Variants in MAP2K4 observed in about 807,000 individuals in gnomAD.
MAP2K4 encodes dual specificity mitogen-activated protein kinase kinase 4.
A neutral mutation model predicts 48.5 loss-of-function variants in MAP2K4; 4 were observed. The observed-to-expected ratio is 0.08, with a 90% CI of 0.04 to 0.19. The LOEUF is 0.19. Ranked by LOEUF, MAP2K4 falls within the 10% of genes least tolerant of loss-of-function variation. MAP2K4 has a pLI of 1.00. For synonymous variants in MAP2K4, 166 were observed against 173.1 expected (o/e 0.96, Z 0.32); for missense variants, 258 against 493.3 (o/e 0.52, Z 4.52).
At chr17:12,055,860 G>A (rs535027152) in intron 2 of MAP2K4, among the ~76,000 whole-genome samples, 2 of 152,052 alleles carry the variant, frequency 1.3e-5, no homozygotes, top group South Asian at 4.1e-4. Context: ...AGCCTTAGAG[G>A]GAATGAAAGA....
intron 8 of MAP2K4, 59 bp downstream of exon 8, chr17:12,125,430 G>T (rs946638117): frequency 2.9e-6 from 4 of 1,398,244 alleles, no homozygotes; most frequent in Admixed American, 3.4e-5. Flanking sequence ...ATTTAGAAGT[G>T]AAAGAAAACT....
chr17:12,103,098 G>A (rs1019652665), intron 4 of MAP2K4, among the ~76,000 whole-genome samples: 3 of 150,732 alleles, frequency 2.0e-5, no homozygotes, highest in Middle Eastern at 6.5e-3. Context: ...GGAGTGCAGT[G>A]GCATCATCCT....
intron 2 of MAP2K4, among the ~76,000 whole-genome samples, chr17:12,066,527 C>CTCT (rs368269993): frequency 1.3e-5 from 2 of 151,962 alleles, no homozygotes; most frequent in East Asian, 1.9e-4. Flanking sequence ...CCTCCTCCTC[C>CTCT]TCTTCTTCTT....
At chr17:12,080,437 T>C (rs1255879994) in intron 2 of MAP2K4, among the ~76,000 whole-genome samples, 1 of 152,160 alleles carries the variant, frequency 6.6e-6, no homozygotes, top group African/African-American at 2.4e-5. Context: ...AACAGATTGA[T>C]TTTACATTTT....
intron 3 of MAP2K4, among the ~76,000 whole-genome samples, chr17:12,086,367 G>T (rs1971362542): frequency 6.6e-6 from 1 of 152,184 alleles, no homozygotes; most frequent in African/African-American, 2.4e-5. Context: ...TATTCAAGGG[G>T]TGTGGCAGGG....
At chr17:12,054,686 A>G (rs925226152) in intron 1 of MAP2K4, among the ~76,000 whole-genome samples, 2 of 152,136 alleles carry the variant, frequency 1.3e-5, no homozygotes, top group Non-Finnish European at 2.9e-5. Flanking sequence ...AGCCTAGTGA[A>G]TGATTTGTAG....
intron 7 of MAP2K4, among the ~76,000 whole-genome samples, chr17:12,123,918 T>C (rs28923230): frequency 1.3e-4 from 20 of 152,074 alleles, no homozygotes; most frequent in African/African-American, 4.6e-4. Context: ...TAAAACAAGG[T>C]GTGTTTTATG....
rs1422084936 is a variant in MAP2K4, at chr17:12,076,867, GTGTGTGTATTTTT to G, written c.219-4481_219-4469del. The stretch of plus-strand genomic sequence containing the variant: ...TTGTGTGTTTGTATTTTGTGTGTGT[GTGTGTGTATTTTT>G]TGTGTGTGTATCTTAATCAAATTGT... On this transcript the variant is annotated intron_variant, in intron 2 of 10. Coordinates refer to ENST00000353533, the MANE Select transcript of MAP2K4 (RefSeq NM_003010.4). Among the ~76,000 whole-genome samples the G allele has an allele frequency of 2.6e-5, 4 of 151,918 alleles. No homozygotes were observed. The South Asian group carries it at 8.3e-4, about 32-fold the overall frequency.
chr17:12,040,087 A>G (rs1397372461), intron 1 of MAP2K4, among the ~76,000 whole-genome samples: 1 of 152,178 alleles, frequency 6.6e-6, no homozygotes, highest in Non-Finnish European at 1.5e-5. Context: ...AGCTCTTGTT[A>G]AGATAAACCA....
chr17:12,037,767 AAG>A (rs1306309881), intron 1 of MAP2K4, among the ~76,000 whole-genome samples: 3 of 152,070 alleles, frequency 2.0e-5, no homozygotes, highest in Non-Finnish European at 4.4e-5. Context: ...GCTTGGAAAA[AAG>A]TTTTTATATT....
chr17:12,038,590 T>A (rs1969677610), intron 1 of MAP2K4, among the ~76,000 whole-genome samples: 1 of 152,190 alleles, frequency 6.6e-6, no homozygotes, highest in Non-Finnish European at 1.5e-5. Flanking sequence ...ATCTAGAGCC[T>A]ACTCTGAAGA....
intron 4 of MAP2K4, among the ~76,000 whole-genome samples, chr17:12,100,906 G>T (rs1250330400): frequency 6.6e-6 from 1 of 151,826 alleles, no homozygotes; most frequent in East Asian, 1.9e-4. Flanking sequence ...ATTTAAATTG[G>T]GTTTTTTTGT....
chr17:12,130,707 T>C (rs899000199), intron 9 of MAP2K4, among the ~76,000 whole-genome samples: 9 of 152,216 alleles, frequency 5.9e-5, no homozygotes, highest in African/African-American at 2.2e-4. Flanking sequence ...AAGGTCTACA[T>C]TGAAGTGTAC....
chr17:12,130,929 A>G (rs1973001541), intron 9 of MAP2K4, among the ~76,000 whole-genome samples: 1 of 152,140 alleles, frequency 6.6e-6, no homozygotes, highest in Non-Finnish European at 1.5e-5. Flanking sequence ...TGATCATGTT[A>G]CTTCTCTATC....
intron 8 of MAP2K4, among the ~76,000 whole-genome samples, chr17:12,128,778 C>T (rs1023570078): frequency 2.0e-5 from 3 of 152,126 alleles, no homozygotes; most frequent in East Asian, 1.9e-4. Context: ...ACAAATTGTG[C>T]GTATTCTATA....
intron 7 of MAP2K4, 74 bp from the exon 8 acceptor site, chr17:12,125,220 C>T: frequency 1.9e-6 from 2 of 1,075,592 alleles, no homozygotes; most frequent in Non-Finnish European, 2.9e-6. Context: ...GGCTGTCTAC[C>T]CAGCTGTTGC....
chr17:12,073,922 C>T (rs1196967003), intron 2 of MAP2K4, among the ~76,000 whole-genome samples: 1 of 151,912 alleles, frequency 6.6e-6, no homozygotes, highest in Non-Finnish European at 1.5e-5. Context: ...TACAGGTGCC[C>T]ACCACCACGC....
chr17:12,045,283 C>T (rs1477527874), intron 1 of MAP2K4, among the ~76,000 whole-genome samples: 2 of 151,836 alleles, frequency 1.3e-5, no homozygotes, highest in Non-Finnish European at 2.9e-5. Context: ...TTTTATTTCA[C>T]TTATAGGTGG....
intron 1 of MAP2K4, among the ~76,000 whole-genome samples, chr17:12,022,149 G>A (rs1266995235): frequency 6.6e-6 from 1 of 152,126 alleles, no homozygotes; most frequent in Non-Finnish European, 1.5e-5. Context: ...ATTTAGTTAG[G>A]TTCAACAGAC....
Sources: gnomAD v4.1 joint callset for allele counts (sites outside exome capture counted in the v4.1 genomes callset) on GRCh38, gnomAD v4.1.1 for gene constraint, MANE v1.5 for transcripts, NCBI Gene and HGNC (gene_info 2026-07-23, HGNC 2026-07-21) for gene names.